PCDH15: variants seen among roughly 807,000 people sequenced by gnomAD.
PCDH15 encodes protocadherin-15.
A neutral mutation model predicts 178.5 loss-of-function variants in PCDH15; 129 were observed. That is an observed-to-expected ratio of 0.72 (90% CI 0.63 to 0.84). The LOEUF (loss-of-function observed/expected upper bound fraction) is 0.84. Among genes scored for constraint, PCDH15 ranks in the 40% least tolerant of loss-of-function variants. PCDH15 has a pLI of 0.00. For synonymous variants in PCDH15, 800 were observed against 732.0 expected (o/e 1.09, Z -1.50); for missense variants, 2,230 against 2,099.9 (o/e 1.06, Z -1.21).
intron 21 of PCDH15, among the ~76,000 whole-genome samples, chr10:53,969,039 T>C (rs2089368858): frequency 1.3e-5 from 2 of 152,178 alleles, no homozygotes; most frequent in Non-Finnish European, 2.9e-5. Flanking sequence ...CTTCAGACCA[T>C]CAGTAATAAC....
At chr10:54,894,596 C>T (rs1954517326) in intron 3 of PCDH15, among the ~76,000 whole-genome samples, 2 of 152,058 alleles carry the variant, frequency 1.3e-5, no homozygotes, top group Non-Finnish European at 2.9e-5. Flanking sequence ...ACTGTCTATA[C>T]CTGTAACAAG....
At chr10:54,715,626 G>T (rs1465343396) in intron 1 of PCDH15, among the ~76,000 whole-genome samples, 1 of 151,980 alleles carries the variant, frequency 6.6e-6, no homozygotes, top group Non-Finnish European at 1.5e-5. Flanking sequence ...ATATCTCCAG[G>T]CTTTTGATGC....
At position 55,184,029 on chromosome 10, in the gene PCDH15, T is replaced by C. The variant is rs78125068; in HGVS notation, c.-155-17378A>G. On this transcript the variant is annotated intron_variant, in intron 1 of 5. Coordinates refer to the PCDH15 transcript ENST00000458638. Reference sequence around the variant, plus strand: ...ATCAGGTTTACCTCTCTTTTTCTGATGCTTTCCAGGAGCCGTATAACTCTT... The same window carrying C: ...ATCAGGTTTACCTCTCTTTTTCTGACGCTTTCCAGGAGCCGTATAACTCTT... Among the ~76,000 whole-genome samples, 129 of 152,090 alleles carry C rather than the reference T, an allele frequency of 8.5e-4. 3 individuals are homozygous for C. The East Asian group carries it at 0.024, about 29-fold the overall frequency.
At chr10:55,234,692 T>C (rs149446220) in intron 1 of PCDH15, among the ~76,000 whole-genome samples, 5 of 152,162 alleles carry the variant, frequency 3.3e-5, no homozygotes, top group African/African-American at 1.2e-4. Flanking sequence ...AGATTTGTTA[T>C]TTCTATTGAG....
At chr10:54,554,425 T>C in intron 2 of PCDH15, among the ~76,000 whole-genome samples, 1 of 152,168 alleles carries the variant, frequency 6.6e-6, no homozygotes, top group East Asian at 1.9e-4. Flanking sequence ...TAAGTGATTC[T>C]TATGTTAGTA....
At chr10:54,722,563 G>T (rs35057515) in intron 1 of PCDH15, among the ~76,000 whole-genome samples, 19,757 of 146,268 alleles carry the variant, frequency 0.14, 1,392 homozygotes, top group East Asian at 0.25. Context: ...TAAAGAAAAG[G>T]CATTGCAATT....
At chr10:54,248,578 A>C (rs550955626) in intron 8 of PCDH15, among the ~76,000 whole-genome samples, 1 of 152,196 alleles carries the variant, frequency 6.6e-6, no homozygotes, top group Non-Finnish European at 1.5e-5. Flanking sequence ...AGTAGAAAAT[A>C]AATTAGACAC....
intron 2 of PCDH15, among the ~76,000 whole-genome samples, chr10:54,554,238 AC>A (rs1220441354): frequency 6.6e-6 from 1 of 152,080 alleles, no homozygotes; most frequent in Non-Finnish European, 1.5e-5. Context: ...CCTGAGTTTC[AC>A]AAATCTCAAT....
At chr10:53,947,735 C>G (rs1296747898) in intron 23 of PCDH15, among the ~76,000 whole-genome samples, 3 of 152,082 alleles carry the variant, frequency 2.0e-5, no homozygotes, top group African/African-American at 7.2e-5. Flanking sequence ...TAATGAAGGG[C>G]CAAAAGACTA....
chr10:53,825,006 C>T (rs2076581664), intron 32 of PCDH15: 1 of 1,184,076 alleles, frequency 8.4e-7, no homozygotes. Context: ...ACAAAACTTT[C>T]CTTTTAACAG....
At chr10:55,458,053 G>T (rs922564480) in intron 2 of PCDH15, among the ~76,000 whole-genome samples, 1 of 151,980 alleles carries the variant, frequency 6.6e-6, no homozygotes, top group East Asian at 1.9e-4. Flanking sequence ...GGAAATATTA[G>T]ATAATATATA....
chr10:55,472,786 C>T (rs937015828), intron 2 of PCDH15, among the ~76,000 whole-genome samples: 11 of 152,006 alleles, frequency 7.2e-5, no homozygotes, highest in Non-Finnish European at 1.3e-4. Flanking sequence ...GCCAGGATGG[C>T]CTCCATCTCC....
At chr10:53,915,173 G>A (rs575127022) in intron 25 of PCDH15, among the ~76,000 whole-genome samples, 2 of 152,260 alleles carry the variant, frequency 1.3e-5, no homozygotes, top group South Asian at 2.1e-4. Context: ...AGTAGAATTT[G>A]AGAGAAAAGA....
chr10:53,926,367 A>T (rs754851083), intron 25 of PCDH15, among the ~76,000 whole-genome samples: 5 of 152,234 alleles, frequency 3.3e-5, no homozygotes, highest in African/African-American at 7.2e-5. Flanking sequence ...AAAACAGTAA[A>T]TATTCAGATT....
At chr10:54,756,750 G>A (rs1469114957) in intron 1 of PCDH15, among the ~76,000 whole-genome samples, 1 of 150,960 alleles carries the variant, frequency 6.6e-6, no homozygotes, top group East Asian at 2.0e-4. Context: ...GAGAAACTAT[G>A]GATACTTCCT....
chr10:55,303,776 T>C (rs1183918544), intron 1 of PCDH15, among the ~76,000 whole-genome samples: 1 of 152,112 alleles, frequency 6.6e-6, no homozygotes, highest in Non-Finnish European at 1.5e-5. Flanking sequence ...ATTCATGATA[T>C]TGATAAATTG....
At chr10:54,628,901 AT>A in intron 2 of PCDH15, among the ~76,000 whole-genome samples, 1 of 152,210 alleles carries the variant, frequency 6.6e-6, no homozygotes, top group Middle Eastern at 3.4e-3. Context: ...AATGGCCTAT[AT>A]TTGGTACACC....
At chr10:55,425,699 C>T (rs112489195) in intron 2 of PCDH15, among the ~76,000 whole-genome samples, 1 of 152,114 alleles carries the variant, frequency 6.6e-6, no homozygotes, top group Non-Finnish European at 1.5e-5. Context: ...CTCATTAAAA[C>T]TTCTGATATC....
At chr10:55,063,255 G>T (rs757525677) in intron 2 of PCDH15, among the ~76,000 whole-genome samples, 2 of 152,008 alleles carry the variant, frequency 1.3e-5, no homozygotes, top group Non-Finnish European at 2.9e-5. Flanking sequence ...AAACCTGGAC[G>T]TTTTATAAAA....
Sources: gnomAD v4.1 joint callset for allele counts (sites outside exome capture counted in the v4.1 genomes callset) on GRCh38, gnomAD v4.1.1 for gene constraint, MANE v1.5 for transcripts, NCBI Gene and HGNC (gene_info 2026-07-23, HGNC 2026-07-21) for gene names.